The following NSMCE1 variants were observed in gnomAD, a reference collection of about 807,000 sequenced individuals.
NSMCE1 encodes the protein non-structural maintenance of chromosomes element 1 homolog.
In NSMCE1, 18 loss-of-function variants were observed where a neutral mutation model predicts 29.6. The observed-to-expected ratio is 0.61, with a 90% CI of 0.42 to 0.90. The LOEUF (loss-of-function observed/expected upper bound fraction) is 0.90. Among genes scored for constraint, NSMCE1 ranks in the 40% least tolerant of loss-of-function variants. The pLI is 0.00. For synonymous variants in NSMCE1, 124 were observed against 133.4 expected (o/e 0.93, Z 0.49); for missense variants, 314 against 343.6 (o/e 0.91, Z 0.68).
chr16:27,241,888 A>T (rs1260018662), intron 2 of NSMCE1: 8 of 453,066 alleles, frequency 1.8e-5, no homozygotes, highest in Non-Finnish European at 3.6e-5. Flanking sequence ...TGAAGGACAT[A>T]CCTAAGACGG....
chr16:27,238,972 C>T (rs1157637070), intron 2 of NSMCE1, among the ~76,000 whole-genome samples: 2 of 151,862 alleles, frequency 1.3e-5, no homozygotes, highest in African/African-American at 4.8e-5. Context: ...CAGGTTCAAG[C>T]GATCCTCCTG....
At chr16:27,242,483 CCTGCATCTCAG>C (rs1212588532) in intron 2 of NSMCE1, among the ~76,000 whole-genome samples, 2 of 152,160 alleles carry the variant, frequency 1.3e-5, no homozygotes, top group East Asian at 1.9e-4. Context: ...GGGCACAGTA[CCTGCATCTCAG>C]CTGCATGCAT....
At chr16:27,264,895 A>G (rs374172351) in intron 1 of NSMCE1, among the ~76,000 whole-genome samples, 15 of 152,224 alleles carry the variant, frequency 9.9e-5, no homozygotes, top group African/African-American at 3.4e-4. Flanking sequence ...AAAGATTCAT[A>G]TTCAGACTAT....
At chr16:27,263,226 A>G (rs913203853) in intron 1 of NSMCE1, among the ~76,000 whole-genome samples, 3 of 152,242 alleles carry the variant, frequency 2.0e-5, no homozygotes, top group African/African-American at 7.2e-5. Flanking sequence ...ATATTCTACC[A>G]TAAAGACACA....
intron 2 of NSMCE1, among the ~76,000 whole-genome samples, chr16:27,237,300 C>A (rs1283534770): frequency 1.3e-5 from 2 of 152,224 alleles, no homozygotes; most frequent in Admixed American, 6.5e-5. Flanking sequence ...TGCCTCCATG[C>A]CCCTGCTCAC....
chr16:27,260,167 T>TA (rs145425010), intron 1 of NSMCE1, among the ~76,000 whole-genome samples: 7 of 152,096 alleles, frequency 4.6e-5, no homozygotes, highest in Admixed American at 6.5e-5. Context: ...CTTCTATCTT[T>TA]AAAAAAAAGT....
At chr16:27,255,944 A>C (rs1325265783) in intron 2 of NSMCE1, among the ~76,000 whole-genome samples, 2 of 152,222 alleles carry the variant, frequency 1.3e-5, no homozygotes, top group African/African-American at 2.4e-5. Flanking sequence ...AAGAAGATGT[A>C]ATGCACTCAT....
intron 2 of NSMCE1, among the ~76,000 whole-genome samples, chr16:27,253,461 G>T (rs183403053): frequency 4.3e-4 from 66 of 152,342 alleles, no homozygotes; most frequent in Admixed American, 3.8e-3. Context: ...TCTCTCGAAA[G>T]ATCACTGGCC....
At chr16:27,229,027 A>G (rs529089334) in intron 5 of NSMCE1, among the ~76,000 whole-genome samples, 188 of 151,820 alleles carry the variant, frequency 1.2e-3, no homozygotes, top group African/African-American at 4.4e-3. Context: ...TGTCACTCCC[A>G]ACTCACCCCC....
rs758696641 is a variant in NSMCE1 at position 27,235,313 on chromosome 16, G to A, written c.137-14C>T. The A allele has an allele frequency of 1.1e-4, 183 of 1,605,594 alleles. No individual in the cohort carries two copies. Among genetic ancestry groups the A allele is most frequent in the Admixed American group, 1.9e-4 (11 of 57,616 alleles). ...CGGTGGCATTGCCTGGAAATAAACA[G>A]ACCAAAAAAAGGGGGGTGACCAGGG... On this transcript the variant is annotated splice_polypyrimidine_tract_variant and intron_variant, in intron 2 of 7. Coordinates refer to ENST00000361439, the MANE Select transcript of NSMCE1 (RefSeq NM_145080.4).
At chr16:27,261,672 G>GC (rs2084159204) in intron 1 of NSMCE1, among the ~76,000 whole-genome samples, 1 of 152,030 alleles carries the variant, frequency 6.6e-6, no homozygotes, top group African/African-American at 2.4e-5. Context: ...TTACACAATC[G>GC]CAGCGCCAGA....
At position 27,226,710 on chromosome 16, in the gene NSMCE1, C is replaced by T. The variant is rs1482915353; in HGVS notation, c.600+10G>A. 1 of 1,584,982 alleles carries T rather than the reference C, an allele frequency of 6.3e-7. No homozygotes were observed. The highest frequency in any genetic ancestry group is 8.7e-7 in the Non-Finnish European group (1 of 1,153,702). On this transcript the variant is annotated intron_variant, in intron 6 of 7. Transcript: ENST00000361439. The stretch of plus-strand genomic sequence containing the variant: ...CAGTGATGAGCTCCCGTGCCCTGCC[C>T]TGCGGGTACCTGGATGAGGAGGCTG...
At chr16:27,255,306 G>A (rs905914902) in intron 2 of NSMCE1, among the ~76,000 whole-genome samples, 6 of 152,076 alleles carry the variant, frequency 3.9e-5, no homozygotes, top group African/African-American at 9.7e-5. Flanking sequence ...CCTTCACCAC[G>A]GAGATGGTTC....
chr16:27,253,853 C>T (rs774744353), intron 2 of NSMCE1, among the ~76,000 whole-genome samples: 1 of 152,170 alleles, frequency 6.6e-6, no homozygotes, highest in Non-Finnish European at 1.5e-5. Context: ...AGCGCCATTC[C>T]GAAAGGCTCG....
Position 27,257,457 on chromosome 16 carries a change from C to A in NSMCE1, c.114G>T (p.Thr38=). Residue 38 remains threonine (T), a synonymous_variant, in exon 2 of 8, where the codon ACG becomes ACT. Coordinates refer to ENST00000361439, the MANE Select transcript of NSMCE1 (RefSeq NM_145080.4). ...LEEWDVKRLQ[T]HCYKVHDRNA... ...CACGGTCATGGACCTTGTAGCAGTG[C>A]GTCTGCAAGCGCTTCACGTCCCATT... 1.2e-6 allele frequency: 2 copies of A among 1,612,920 alleles called. No individual in the cohort carries two copies. The highest frequency in any genetic ancestry group is 1.7e-6 in the Non-Finnish European group (2 of 1,179,488).
chr16:27,252,694 G>A lies in NSMCE1; in HGVS notation c.136+4741C>T, dbSNP rs565940801. Among the ~76,000 whole-genome samples, 4 of 152,202 alleles carry A rather than the reference G, an allele frequency of 2.6e-5. No individual in the cohort carries two copies. The East Asian group carries it at 5.8e-4, about 22-fold the overall frequency. The stretch of plus-strand genomic sequence containing the variant: ...AGCACTTGGGGAGGCGGAGGCAGGC[G>A]GATCACCTGAGGTCAGAAGTTCGAG... On this transcript the variant is annotated intron_variant, in intron 2 of 7. Transcript: ENST00000361439.
chr16:27,233,448 G>A (rs1261046683), intron 4 of NSMCE1, among the ~76,000 whole-genome samples: 1 of 152,324 alleles, frequency 6.6e-6, no homozygotes, highest in Admixed American at 6.5e-5. Context: ...GAGAGACACG[G>A]CAGGCAGGAA....
At chr16:27,248,406 C>CTTTTTTTTTTT (rs756697569) in intron 2 of NSMCE1, among the ~76,000 whole-genome samples, 3 of 84,768 alleles carry the variant, frequency 3.5e-5, no homozygotes, top group Non-Finnish European at 4.4e-5. Context: ...TTTTAGTTTG[C>CTTTTTTTTTTT]TTTTTTTTTT....
At position 27,226,816 on chromosome 16, in the gene NSMCE1, C is replaced by G; in HGVS notation, c.504G>C (p.Leu168=). The G allele has an allele frequency of 6.2e-7, 1 of 1,613,144 alleles. No individual in the cohort carries two copies. Among genetic ancestry groups the G allele is most frequent in the Middle Eastern group, 1.7e-4 (1 of 6,060 alleles). The change falls in exon 6 of 8, where the codon CTG becomes CTC. Residue 168 remains leucine, a synonymous_variant. Coordinates refer to ENST00000361439, the MANE Select transcript of NSMCE1 (RefSeq NM_145080.4). ...CCATCTCCAGGATGGCCCGGCCGTG[C>G]AGGGTGAACTCCCCTTCCTTCTGCA... The part of the protein sequence containing the change: ...WLIEKEGEFT[L]HGRAILEMEQ...
Sources: allele counts gnomAD v4.1 joint callset (sites outside exome capture counted in the v4.1 genomes callset), GRCh38; gene constraint gnomAD v4.1.1; transcripts MANE v1.5; gene names NCBI Gene and HGNC (gene_info 2026-07-23, HGNC 2026-07-21).